The following NALF1 variants were observed in gnomAD, a reference collection of about 807,000 sequenced individuals.
NALF1 encodes family with sequence similarity 155 member A.
Under a neutral mutation model 48.4 loss-of-function variants are expected in NALF1, and 3 were observed. That is an observed-to-expected ratio of 0.06 (90% confidence interval 0.03 to 0.16). NALF1 has a LOEUF of 0.16. Among genes scored for constraint, NALF1 ranks in the 10% least tolerant of loss-of-function variants. The pLI is 1.00. For synonymous variants in NALF1, 262 were observed against 245.7 expected (o/e 1.07, Z -0.62); for missense variants, 526 against 571.5 (o/e 0.92, Z 0.81).
At chr13:107,532,856 A>G (rs535696230) in intron 1 of NALF1, among the ~76,000 whole-genome samples, 2 of 152,220 alleles carry the variant, frequency 1.3e-5, no homozygotes, top group South Asian at 4.1e-4. Context: ...GTAATATTGC[A>G]ATTATATTAA....
chr13:107,276,072 G>A lies in NALF1; in HGVS notation c.916-65317C>T, dbSNP rs1410324778. Among the ~76,000 whole-genome samples, 5 of 152,210 alleles carry A rather than the reference G, an allele frequency of 3.3e-5. No homozygotes were observed. In the South Asian group the frequency reaches 1.0e-3, roughly 32 times the overall value. Reference sequence around the variant, plus strand: ...GATCCAAGAGAAAGACCAACTGGGAGCCACTACCTGTTACTCTCCTAAGCT... The same window carrying A: ...GATCCAAGAGAAAGACCAACTGGGAACCACTACCTGTTACTCTCCTAAGCT... On this transcript the variant is annotated intron_variant, in intron 1 of 2. Transcript: ENST00000375915.
intron 1 of NALF1, among the ~76,000 whole-genome samples, chr13:107,612,131 A>G (rs1594160332): frequency 3.7e-4 from 8 of 21,768 alleles, no homozygotes; most frequent in South Asian, 3.0e-3. Context: ...GGAGGGGAGG[A>G]GGAGTGGGGA....
intron 1 of NALF1, among the ~76,000 whole-genome samples, chr13:107,234,182 T>C (rs989405113): frequency 1.6e-4 from 24 of 152,330 alleles, no homozygotes; most frequent in Admixed American, 3.9e-4. Context: ...GAGTGATGAA[T>C]TGACATGCTC....
At chr13:107,562,335 T>A (rs1318445056) in intron 1 of NALF1, among the ~76,000 whole-genome samples, 3 of 152,204 alleles carry the variant, frequency 2.0e-5, no homozygotes. Context: ...GTCAAAGGCG[T>A]GCTTGTAATT....
chr13:107,866,331 C>A lies in NALF1; in HGVS notation c.266G>T (p.Arg89Leu). The A allele has an allele frequency of 6.2e-7, 1 of 1,608,944 alleles. No homozygotes were observed. The highest frequency in any genetic ancestry group is 8.5e-7 in the Non-Finnish European group (1 of 1,178,678). The change falls in exon 1 of 3, where the codon CGG (arginine) becomes CTG (leucine). Residue 89 changes from arginine to leucine, a missense_variant. Arg to Leu is a moderately radical substitution (Grantham distance 102, BLOSUM62 -2). This residue lies in a region of NALF1 where 373 missense variants were observed against 355.5 expected (regional missense o/e 1.05). Coordinates refer to ENST00000375915, the MANE Select transcript of NALF1 (RefSeq NM_001080396.3). The surrounding 1 kb of genome is among the most constrained non-coding windows in gnomAD (Gnocchi z 4.4). ...CCGCCGCTGCTGCTGCTGCTGCTGC[C>A]GCTGCCTCTGCTGCTGCTGCTGCTG... ...QQQQQQQQRQ[R>L]QQQQQQRRQQ...
chr13:107,782,509 C>T (rs554554255), intron 1 of NALF1, among the ~76,000 whole-genome samples: 47 of 151,738 alleles, frequency 3.1e-4, no homozygotes, highest in African/African-American at 1.1e-3. Context: ...TCTGCCTGGC[C>T]GCCCATCGTT....
intron 1 of NALF1, among the ~76,000 whole-genome samples, chr13:107,454,657 A>G (rs1350366044): frequency 2.0e-5 from 3 of 152,162 alleles, no homozygotes; most frequent in African/African-American, 7.2e-5. Context: ...ATTTTTCTTA[A>G]TGGTGAGACA....
chr13:107,628,875 C>T (rs1473046307), intron 1 of NALF1, among the ~76,000 whole-genome samples: 1 of 152,112 alleles, frequency 6.6e-6, no homozygotes, highest in East Asian at 1.9e-4. Flanking sequence ...TGATGTTAAT[C>T]TGCTCTTTCT....
intron 1 of NALF1, among the ~76,000 whole-genome samples, chr13:107,669,190 T>C (rs1377755898): frequency 6.6e-6 from 1 of 152,092 alleles, no homozygotes; most frequent in Non-Finnish European, 1.5e-5. Context: ...ACTGATGTGA[T>C]TCTAGTTTTC....
chr13:107,653,305 G>T (rs1007772971), intron 1 of NALF1, among the ~76,000 whole-genome samples: 1 of 152,020 alleles, frequency 6.6e-6, no homozygotes, highest in African/African-American at 2.4e-5. Context: ...GGGGGAGAAG[G>T]AAATTGGGAG....
chr13:107,312,203 A>C lies in NALF1; in HGVS notation c.916-101448T>G, dbSNP rs536656893. On this transcript the variant is annotated intron_variant, in intron 1 of 2. Transcript: ENST00000375915. ...TCCAACAATGATAGACTGGATTAAG[A>C]AAATGTGGCACATATACACCATGGA... Among the ~76,000 whole-genome samples the C allele has an allele frequency of 2.7e-3, 406 of 152,326 alleles. 2 individuals are homozygous for C. The highest frequency in any genetic ancestry group is 9.5e-3 in the African/African-American group (394 of 41,558).
At chr13:107,242,502 G>T (rs1880496498) in intron 1 of NALF1, among the ~76,000 whole-genome samples, 1 of 152,114 alleles carries the variant, frequency 6.6e-6, no homozygotes, top group African/African-American at 2.4e-5. Context: ...TAGCATGTTG[G>T]TTTTTTCCAC....
chr13:107,219,122 A>C (rs892210149), intron 1 of NALF1, among the ~76,000 whole-genome samples: 1 of 152,152 alleles, frequency 6.6e-6, no homozygotes, highest in African/African-American at 2.4e-5. Context: ...AAAAAGAAGA[A>C]AGTCACTCCA....
chr13:107,253,413 T>C (rs1374070720), intron 1 of NALF1, among the ~76,000 whole-genome samples: 4 of 152,134 alleles, frequency 2.6e-5, no homozygotes, highest in African/African-American at 7.2e-5. Flanking sequence ...GACTGCTTTT[T>C]AGATGCTCCC....
At chr13:107,481,572 T>C (rs750017260) in intron 1 of NALF1, among the ~76,000 whole-genome samples, 38 of 152,300 alleles carry the variant, frequency 2.5e-4, no homozygotes, top group Non-Finnish European at 4.6e-4. Context: ...AAAAACGATC[T>C]ATTAATCACC....
At chr13:107,574,266 G>A (rs1395864146) in intron 1 of NALF1, among the ~76,000 whole-genome samples, 1 of 152,070 alleles carries the variant, frequency 6.6e-6, no homozygotes, top group Admixed American at 6.5e-5. Flanking sequence ...GATTTGAGTA[G>A]GCTAATGTCA....
chr13:107,290,514 C>T (rs1302908878), intron 1 of NALF1, among the ~76,000 whole-genome samples: 2 of 152,130 alleles, frequency 1.3e-5, no homozygotes, highest in Non-Finnish European at 2.9e-5. Flanking sequence ...TTTCCCCTTT[C>T]GCTTGGCTCT....
intron 1 of NALF1, among the ~76,000 whole-genome samples, chr13:107,226,701 G>C (rs1880114522): frequency 6.6e-6 from 1 of 152,146 alleles, no homozygotes. Flanking sequence ...ATTTACAAAA[G>C]CAGAAGATAA....
At chr13:107,367,921 A>G (rs1042507018) in intron 1 of NALF1, among the ~76,000 whole-genome samples, 4 of 152,310 alleles carry the variant, frequency 2.6e-5, no homozygotes, top group Middle Eastern at 3.4e-3. Flanking sequence ...CTTTCTGAAG[A>G]TGCTATCTTT....
Sources: allele counts gnomAD v4.1 joint callset (sites outside exome capture counted in the v4.1 genomes callset), GRCh38; gene constraint gnomAD v4.1.1; regional missense constraint gnomAD v4.1.1; non-coding constraint Gnocchi (gnomAD v3.1); transcripts MANE v1.5; gene names NCBI Gene and HGNC (gene_info 2026-07-23, HGNC 2026-07-21).